Variants in PTPN2 observed in about 807,000 individuals in gnomAD.
PTPN2 encodes tyrosine-protein phosphatase non-receptor type 2.
PTPN2 carries 19 observed loss-of-function variants against 57.3 expected under a neutral mutation model. The ratio of observed to expected loss-of-function variants is 0.33; its 90% CI spans 0.23 to 0.49. The LOEUF is 0.49. Among genes scored for constraint, PTPN2 ranks in the 20% least tolerant of loss-of-function variants. The pLI is 0.99. For missense variants in PTPN2, 358 were observed against 501.1 expected, an observed-to-expected ratio of 0.71 and a Z score of 2.73; for synonymous variants, 153 against 164.9, an observed-to-expected ratio of 0.93 and a Z score of 0.55.
At chr18:12,812,055 T>C (rs2041908107) in intron 7 of PTPN2, among the ~76,000 whole-genome samples, 1 of 152,224 alleles carries the variant, frequency 6.6e-6, no homozygotes, top group Non-Finnish European at 1.5e-5. Context: ...GCTAGAGATC[T>C]TACAACATTA....
In PTPN2 at chr18:12,828,904, A is replaced by T. The variant is rs79282456; in HGVS notation, c.360+2039T>A. The stretch of plus-strand genomic sequence containing the variant: ...GCAGTCATTACAGACAGCAAAAAAA[A>T]TTTTTTTTTTTTGAGACAGGGTCTC... On this transcript the variant is annotated intron_variant, in intron 4 of 8. Coordinates refer to ENST00000309660, the MANE Select transcript of PTPN2 (RefSeq NM_002828.4). 4.7e-3 allele frequency among the ~76,000 whole-genome samples: 697 copies of T among 148,198 alleles called. 3 individuals carry two copies. The highest frequency in any genetic ancestry group is 0.016 in the African/African-American group (655 of 40,598).
chr18:12,866,354 C>T (rs1435235144), intron 1 of PTPN2, among the ~76,000 whole-genome samples: 2 of 151,910 alleles, frequency 1.3e-5, no homozygotes, highest in African/African-American at 2.4e-5. Context: ...AGGAGAATGG[C>T]GTGAACCCAG....
intron 8 of PTPN2, among the ~76,000 whole-genome samples, chr18:12,795,400 T>C (rs1482731518): frequency 2.0e-5 from 3 of 152,168 alleles, no homozygotes; most frequent in African/African-American, 7.2e-5. Context: ...TTCAAGCAAT[T>C]CTTCTGCCTC....
intron 2 of PTPN2, among the ~76,000 whole-genome samples, chr18:12,855,303 A>AT (rs1238993436): frequency 6.6e-6 from 1 of 152,156 alleles, no homozygotes; most frequent in East Asian, 1.9e-4. Flanking sequence ...GGGGTAGGAT[A>AT]TAAGGGTTGA....
chr18:12,864,832 G>A (rs2043938679), intron 1 of PTPN2, among the ~76,000 whole-genome samples: 1 of 152,148 alleles, frequency 6.6e-6, no homozygotes, highest in African/African-American at 2.4e-5. Context: ...GAACTAAATT[G>A]ATTCTACTAT....
chr18:12,863,905 T>A (rs2043903940), intron 1 of PTPN2: 1 of 152,236 alleles, frequency 6.6e-6, no homozygotes. Context: ...TCTTTCTTAG[T>A]GGCAATGATC....
At chr18:12,870,921 G>A (rs2044250571) in intron 1 of PTPN2, among the ~76,000 whole-genome samples, 1 of 152,002 alleles carries the variant, frequency 6.6e-6, no homozygotes, top group Non-Finnish European at 1.5e-5. Context: ...AGGGTATATA[G>A]TGAAAAAGTT....
intron 1 of PTPN2, among the ~76,000 whole-genome samples, chr18:12,861,144 A>G (rs577880636): frequency 6.6e-6 from 1 of 152,310 alleles, no homozygotes; most frequent in South Asian, 2.1e-4. Flanking sequence ...TCAGCCGAGT[A>G]TCTGAAGTTT....
chr18:12,842,686 C>T (rs972828451), intron 2 of PTPN2, among the ~76,000 whole-genome samples: 1 of 152,228 alleles, frequency 6.6e-6, no homozygotes, highest in African/African-American at 2.4e-5. Flanking sequence ...GAGGAGCAGT[C>T]TGCAGTTTAG....
intron 5 of PTPN2, among the ~76,000 whole-genome samples, chr18:12,820,902 A>C (rs941068571): frequency 1.3e-5 from 2 of 152,260 alleles, no homozygotes; most frequent in African/African-American, 4.8e-5. Flanking sequence ...TTTGAACAGC[A>C]ATGTCAAACT....
chr18:12,838,490 G>A (rs1390936387), intron 2 of PTPN2, among the ~76,000 whole-genome samples: 5 of 152,154 alleles, frequency 3.3e-5, no homozygotes, highest in Admixed American at 2.6e-4. Flanking sequence ...TATGCACGAG[G>A]TGTTACCTCA....
At chr18:12,870,458 T>TAGAGAGAGAGAG (rs1196570644) in intron 1 of PTPN2, among the ~76,000 whole-genome samples, 16 of 30,274 alleles carry the variant, frequency 5.3e-4, no homozygotes, top group African/African-American at 6.2e-4. Flanking sequence ...TATATATATA[T>TAGAGAGAGAGAG]ATATAGAGAG....
At chr18:12,837,158 TA>T (rs2042895123) in intron 2 of PTPN2, among the ~76,000 whole-genome samples, 1 of 152,038 alleles carries the variant, frequency 6.6e-6, no homozygotes, top group African/African-American at 2.4e-5. Context: ...CGACCAGGAG[TA>T]AACATAGTTA....
At chr18:12,840,789 TA>T in intron 2 of PTPN2, 1 of 1,598,446 alleles carries the variant, frequency 6.3e-7, no homozygotes, top group Non-Finnish European at 8.5e-7. Flanking sequence ...CCATACATCC[TA>T]AATTCTTGCT....
At chr18:12,840,684 A>T (rs774672784) in intron 2 of PTPN2, 2 of 1,595,488 alleles carry the variant, frequency 1.3e-6, no homozygotes, top group East Asian at 4.5e-5. Flanking sequence ...ACAAAAATGA[A>T]ACCTAGATTT....
chr18:12,868,926 GA>G (rs1280597893), intron 1 of PTPN2: 1 of 152,158 alleles, frequency 6.6e-6, no homozygotes, highest in Non-Finnish European at 1.5e-5. Flanking sequence ...CAGGCAGGCG[GA>G]TCACTTGACA....
chr18:12,873,483 T>C (rs113341217), intron 1 of PTPN2, among the ~76,000 whole-genome samples: 57 of 152,122 alleles, frequency 3.7e-4, no homozygotes, highest in African/African-American at 1.4e-3. Flanking sequence ...GGAGACGGGG[T>C]TTCGCTGTGT....
intron 7 of PTPN2, among the ~76,000 whole-genome samples, chr18:12,813,771 C>T (rs1202758810): frequency 6.6e-6 from 1 of 152,122 alleles, no homozygotes; most frequent in Non-Finnish European, 1.5e-5. Context: ...GAGAATAAAG[C>T]CACCAACCAG....
chr18:12,826,005 G>C, intron 4 of PTPN2, 61 bp from the exon 5 acceptor site: 2 of 1,385,544 alleles, frequency 1.4e-6, no homozygotes, highest in Admixed American at 2.3e-5. Flanking sequence ...AAACCATAAA[G>C]TTAAAAAATG....
Sources: gnomAD v4.1 joint callset for allele counts (sites outside exome capture counted in the v4.1 genomes callset) on GRCh38, gnomAD v4.1.1 for gene constraint, MANE v1.5 for transcripts, NCBI Gene and HGNC (gene_info 2026-07-23, HGNC 2026-07-21) for gene names.